The following FYCO1 variants were observed in gnomAD, a reference collection of about 807,000 sequenced individuals.
FYCO1 encodes the protein FYVE and coiled-coil domain autophagy adaptor 1.
A neutral mutation model predicts 165.1 loss-of-function variants in FYCO1; 122 were observed. That is an observed-to-expected ratio of 0.74 (90% CI 0.64 to 0.86). FYCO1 has a LOEUF of 0.86. Ranked by LOEUF, FYCO1 falls within the 40% of genes least tolerant of loss-of-function variation. The pLI is 0.00. For synonymous variants in FYCO1, 648 were observed against 742.5 expected (o/e 0.87, Z 2.07); for missense variants, 1,702 against 1,810.3 (o/e 0.94, Z 1.09).
At chr3:45,942,085 G>A (rs1038153100) in intron 14 of FYCO1, among the ~76,000 whole-genome samples, 3 of 152,188 alleles carry the variant, frequency 2.0e-5, no homozygotes, top group Non-Finnish European at 4.4e-5. Context: ...GTACCAGTTT[G>A]GTAGAAAGGA....
intron 14 of FYCO1, among the ~76,000 whole-genome samples, chr3:45,953,492 T>C (rs574149979): frequency 1.2e-4 from 18 of 152,358 alleles, no homozygotes; most frequent in Admixed American, 2.6e-4. Context: ...CATTTTAACA[T>C]GGTGGCACTT....
chr3:45,955,185 A>G, intron 14 of FYCO1, 64 bp downstream of exon 14: 13 of 1,573,972 alleles, frequency 8.3e-6, no homozygotes, highest in Non-Finnish European at 1.0e-5. Context: ...TCATCCTTTG[A>G]TAAGAAAGCA....
chr3:45,977,660 T>C (rs1706842530), intron 4 of FYCO1, among the ~76,000 whole-genome samples: 1 of 151,556 alleles, frequency 6.6e-6, no homozygotes, highest in South Asian at 2.1e-4. Flanking sequence ...ACCAGGTCAT[T>C]GTGCCAAGAG....
intron 1 of FYCO1, among the ~76,000 whole-genome samples, chr3:45,990,490 CAG>C (rs1707509609): frequency 6.6e-6 from 1 of 152,224 alleles, no homozygotes; most frequent in East Asian, 1.9e-4. Flanking sequence ...GCCCTCACTG[CAG>C]AGTCTCACAT....
chr3:45,936,324 T>C, intron 15 of FYCO1, 124 bp downstream of exon 15: 2 of 711,872 alleles, frequency 2.8e-6, no homozygotes, highest in South Asian at 2.9e-5. Flanking sequence ...AAAAAAAGAA[T>C]AAACGAAGCC....
intron 14 of FYCO1, among the ~76,000 whole-genome samples, chr3:45,952,284 G>A (rs915848988): frequency 6.6e-6 from 1 of 151,936 alleles, no homozygotes; most frequent in African/African-American, 2.4e-5. Context: ...TCTTACCTTG[G>A]ATTTGCTTAT....
chr3:45,934,665 T>C (rs1476822369), intron 15 of FYCO1, among the ~76,000 whole-genome samples: 1 of 152,226 alleles, frequency 6.6e-6, no homozygotes, highest in Admixed American at 6.5e-5. Flanking sequence ...CAATCCATCA[T>C]ATCAACAGGC....
intron 16 of FYCO1, among the ~76,000 whole-genome samples, chr3:45,924,844 C>T (rs1404723010): frequency 6.6e-6 from 1 of 152,046 alleles, no homozygotes; most frequent in Non-Finnish European, 1.5e-5. Context: ...AACTCCTGAC[C>T]TCAGGTGATC....
chr3:45,928,969 GTGTC>G (rs1410823991), intron 16 of FYCO1, among the ~76,000 whole-genome samples: 1 of 152,216 alleles, frequency 6.6e-6, no homozygotes, highest in African/African-American at 2.4e-5. Flanking sequence ...ATAATTCCTT[GTGTC>G]TATACCTCCG....
chr3:45,994,525 G>A (rs1462293647), intron 1 of FYCO1, among the ~76,000 whole-genome samples: 1 of 152,154 alleles, frequency 6.6e-6, no homozygotes, highest in Non-Finnish European at 1.5e-5. Context: ...GGCATTCAAT[G>A]CTTTCAGAAC....
intron 15 of FYCO1, among the ~76,000 whole-genome samples, chr3:45,932,052 A>T (rs1012741822): frequency 2.0e-5 from 3 of 152,218 alleles, no homozygotes; most frequent in African/African-American, 7.2e-5. Flanking sequence ...GCCTCACTGC[A>T]TCCCTGCTGC....
chr3:45,989,018 T>C (rs893757061), intron 1 of FYCO1, among the ~76,000 whole-genome samples: 1 of 152,174 alleles, frequency 6.6e-6, no homozygotes, highest in African/African-American at 2.4e-5. Flanking sequence ...ATACTCATAA[T>C]ATTGCCCAGA....
intron 7 of FYCO1, 55 bp downstream of exon 7, chr3:45,969,620 G>T: frequency 7.1e-7 from 1 of 1,417,358 alleles, no homozygotes; most frequent in Non-Finnish European, 1.0e-6. Flanking sequence ...CTAGGGGCAA[G>T]GACATACCCT....
chr3:45,991,936 A>G (rs190315380), intron 1 of FYCO1, among the ~76,000 whole-genome samples: 2 of 152,206 alleles, frequency 1.3e-5, no homozygotes, highest in Non-Finnish European at 2.9e-5. Flanking sequence ...TATAAGGGGA[A>G]TTCTGGACAC....
Position 45,973,087 on chromosome 3 carries a change from C to A in FYCO1, c.539+1G>T. On this transcript the variant is annotated splice_donor_variant, in intron 6 of 17. Coordinates refer to ENST00000296137, the MANE Select transcript of FYCO1 (RefSeq NM_024513.4). LOFTEE classifies it high-confidence loss of function. ...TTAAACCAAGCAATCCTTCAAAGTACCTGGCAAATGTTGGCCAGGCAGCAT... is the reference window on the plus strand; with the variant it reads ...TTAAACCAAGCAATCCTTCAAAGTAACTGGCAAATGTTGGCCAGGCAGCAT... The A allele has an allele frequency of 6.2e-7, 1 of 1,614,170 alleles. No homozygotes were observed. The highest frequency in any genetic ancestry group is 8.5e-7 in the Non-Finnish European group (1 of 1,180,028).
intron 2 of FYCO1, among the ~76,000 whole-genome samples, chr3:45,981,931 G>C (rs1025955224): frequency 6.6e-6 from 1 of 152,198 alleles, no homozygotes; most frequent in African/African-American, 2.4e-5. Context: ...CCACCACCCA[G>C]GGCTAGTAAT....
intron 1 of FYCO1, among the ~76,000 whole-genome samples, chr3:45,991,602 GCCAGCTGCT>G (rs1707563730): frequency 6.6e-6 from 1 of 152,188 alleles, no homozygotes; most frequent in Non-Finnish European, 1.5e-5. Flanking sequence ...CCTTCCTTTG[GCCAGCTGCT>G]CCAGTCTCGC....
chr3:45,975,996 T>C lies in FYCO1; in HGVS notation c.289-651A>G, dbSNP rs967798087. ...ATCTACAAGTCTGCCAACGCTTTCC[T>C]GGTTGGATTTCCTGTTCTTTATCAG... On this transcript the variant is annotated intron_variant, in intron 4 of 17. Transcript: ENST00000296137. Among the ~76,000 whole-genome samples, 14 of 152,234 alleles carry C rather than the reference T, an allele frequency of 9.2e-5. No homozygotes were observed. In the East Asian group the frequency reaches 2.7e-3, roughly 29 times the overall value.
In FYCO1 at chr3:45,974,553, GT is replaced by G. The variant is rs532739765; in HGVS notation, c.395+685del. On this transcript the variant is annotated intron_variant, in intron 5 of 17. Coordinates refer to ENST00000296137, the MANE Select transcript of FYCO1 (RefSeq NM_024513.4). ...TGAAACAAAAGGTTTTCCCTTTGTA[GT>G]TTTTTTTAGATTCAAAAAAATTTGG... 3.5e-3 allele frequency among the ~76,000 whole-genome samples: 538 copies of G among 152,120 alleles called. 8 individuals carry two copies. Among genetic ancestry groups the G allele is most frequent in the African/African-American group, 0.012 (499 of 41,488 alleles).
Sources: allele counts gnomAD v4.1 joint callset (sites outside exome capture counted in the v4.1 genomes callset), GRCh38; gene constraint gnomAD v4.1.1; transcripts MANE v1.5; gene names NCBI Gene and HGNC (gene_info 2026-07-23, HGNC 2026-07-21).